MTARC2: variants seen among roughly 807,000 people sequenced by gnomAD.
The protein encoded by MTARC2 is mitochondrial amidoxime reducing component 2, also known as MOCO sulphurase C-terminal domain containing 2.
Under a neutral mutation model 35.6 loss-of-function variants are expected in MTARC2, and 27 were observed. The ratio of observed to expected loss-of-function variants is 0.76; its 90% confidence interval spans 0.56 to 1.04. The LOEUF (loss-of-function observed/expected upper bound fraction) is 1.04. Ranked by LOEUF, MTARC2 falls within the 50% of genes least tolerant of loss-of-function variation. MTARC2 has a pLI of 0.00. For missense variants in MTARC2, 412 were observed against 432.5 expected, an observed-to-expected ratio of 0.95 and a Z score of 0.42; for synonymous variants, 158 against 167.1, an observed-to-expected ratio of 0.95 and a Z score of 0.42.
At chr1:220,755,820 G>C (rs1441378690) in intron 2 of MTARC2, among the ~76,000 whole-genome samples, 1 of 152,186 alleles carries the variant, frequency 6.6e-6, no homozygotes, top group Non-Finnish European at 1.5e-5. Flanking sequence ...CGTAAAACAT[G>C]CAGAAAATTA....
intron 2 of MTARC2, among the ~76,000 whole-genome samples, chr1:220,759,760 A>G (rs911534016): frequency 1.3e-5 from 2 of 152,166 alleles, no homozygotes; most frequent in African/African-American, 4.8e-5. Flanking sequence ...TAGAGCCAAG[A>G]ATTAATCAGA....
At chr1:220,762,809 T>G (rs1671474300) in intron 3 of MTARC2, 101 bp from the exon 4 acceptor site, 1 of 1,251,314 alleles carries the variant, frequency 8.0e-7, no homozygotes, top group East Asian at 2.3e-5. Flanking sequence ...TCCCCTCTTC[T>G]GCACTGAAGA....
intron 4 of MTARC2, among the ~76,000 whole-genome samples, chr1:220,778,636 G>A (rs987898451): frequency 7.9e-5 from 12 of 152,142 alleles, no homozygotes; most frequent in Admixed American, 3.3e-4. Flanking sequence ...CATGTTATAC[G>A]TGTATATGTA....
chr1:220,772,961 G>A (rs1671786389), intron 4 of MTARC2, among the ~76,000 whole-genome samples: 1 of 152,180 alleles, frequency 6.6e-6, no homozygotes, highest in Non-Finnish European at 1.5e-5. Flanking sequence ...AAGCTCCTAA[G>A]CCCTTGGAAT....
chr1:220,749,850 TCACTC>T (rs1362720134), intron 1 of MTARC2, among the ~76,000 whole-genome samples: 1 of 152,196 alleles, frequency 6.6e-6, no homozygotes, highest in African/African-American at 2.4e-5. Flanking sequence ...ATCCCTGTGT[TCACTC>T]CAGGACACGC....
chr1:220,759,681 G>A (rs1378998467), intron 2 of MTARC2, among the ~76,000 whole-genome samples: 2 of 152,198 alleles, frequency 1.3e-5, no homozygotes, highest in Non-Finnish European at 2.9e-5. Flanking sequence ...TTAGGGAACT[G>A]CTGAACAGTG....
At chr1:220,764,062 C>T (rs77573319) in intron 4 of MTARC2, among the ~76,000 whole-genome samples, 2,033 of 152,070 alleles carry the variant, frequency 0.013, 33 homozygotes, top group East Asian at 0.06. Context: ...AATGAATGAC[C>T]GTACTTCCTT....
chr1:220,777,660 G>C (rs553456105), intron 4 of MTARC2, among the ~76,000 whole-genome samples: 1 of 152,196 alleles, frequency 6.6e-6, no homozygotes, highest in South Asian at 2.1e-4. Context: ...CTGGACAGAG[G>C]ATTGCCCTGT....
chr1:220,774,950 T>TGC lies in MTARC2; in HGVS notation c.751-5067_751-5066insCG, dbSNP rs1671855205. 4.0e-5 allele frequency among the ~76,000 whole-genome samples: 6 copies of TGC among 150,864 alleles called. No homozygotes were observed. The South Asian group carries it at 1.3e-3, about 32-fold the overall frequency. On this transcript the variant is annotated intron_variant, in intron 4 of 7. Coordinates refer to ENST00000366913, the MANE Select transcript of MTARC2 (RefSeq NM_017898.5). ...TTGTGTGTCTATATAGACCCGTGTG[T>TGC]GTGCGTGTGTGTGTGTGTGTGTACA...
chr1:220,769,847 CTT>C (rs753815777), intron 4 of MTARC2, among the ~76,000 whole-genome samples: 5 of 125,634 alleles, frequency 4.0e-5, no homozygotes, highest in Admixed American at 8.7e-5. Flanking sequence ...TTGGCTTTTT[CTT>C]TTTTTTTTTG....
In MTARC2 at chr1:220,763,038, T is replaced by C. The variant is rs767704285; in HGVS notation, c.738T>C (p.Asp246=). The change falls in exon 4 of 8, where the codon GAT becomes GAC. Residue 246 remains aspartate (D), a synonymous_variant. Transcript: ENST00000366913. The part of the protein sequence containing the change: ...FRPNIVVTGC[D]AFEEDTWDEL... ...CAAATATTGTGGTGACCGGCTGTGA[T>C]GCTTTTGAGGAGGTAAGCGACCCAC... The C allele has an allele frequency of 3.7e-6, 6 of 1,614,150 alleles. No individual in the cohort carries two copies. Among genetic ancestry groups the C allele is most frequent in the Non-Finnish European group, 5.1e-6 (6 of 1,180,026 alleles).
chr1:220,769,217 T>A (rs1372795986), intron 4 of MTARC2, among the ~76,000 whole-genome samples: 1 of 152,224 alleles, frequency 6.6e-6, no homozygotes, highest in Non-Finnish European at 1.5e-5. Flanking sequence ...GACTTTCGCC[T>A]CTTTCTCATC....
At chr1:220,760,919 C>T (rs1671419708) in intron 2 of MTARC2, among the ~76,000 whole-genome samples, 1 of 152,220 alleles carries the variant, frequency 6.6e-6, no homozygotes, top group Non-Finnish European at 1.5e-5. Flanking sequence ...TCCCGTTACA[C>T]ACTTTTAAAA....
chr1:220,768,338 T>C (rs987890257), intron 4 of MTARC2, among the ~76,000 whole-genome samples: 17 of 152,170 alleles, frequency 1.1e-4, no homozygotes, highest in African/African-American at 4.1e-4. Context: ...GGGAGAGTAT[T>C]AGGAAACAGT....
Position 220,755,067 on chromosome 1 carries a change from C to T in MTARC2, c.393C>T (p.Asp131=). The part of the protein sequence containing the change: ...NCLIFRAPDM[D]QLVLPSKQPS... ...TGATCTTCAGGGCTCCAGACATGGA[C>T]CAGCTGGTTTTGCCTAGCAAGCAGC... Residue 131 remains aspartate, a synonymous_variant, in exon 2 of 8, where the codon GAC becomes GAT. Coordinates refer to ENST00000366913, the MANE Select transcript of MTARC2 (RefSeq NM_017898.5). 1.2e-6 allele frequency: 2 copies of T among 1,613,086 alleles called. No individual in the cohort carries two copies. Among genetic ancestry groups the T allele is most frequent in the South Asian group, 1.1e-5 (1 of 90,868 alleles).
intron 4 of MTARC2, among the ~76,000 whole-genome samples, chr1:220,775,811 G>C (rs1671888470): frequency 6.6e-6 from 1 of 151,970 alleles, no homozygotes. Context: ...AATTCTTTCA[G>C]AATAATGGCC....
At chr1:220,782,707 C>G (rs761692239) in intron 7 of MTARC2, among the ~76,000 whole-genome samples, 2 of 152,184 alleles carry the variant, frequency 1.3e-5, no homozygotes, top group African/African-American at 2.4e-5. Context: ...CACCCACAAC[C>G]TGACCCTCCT....
At chr1:220,762,632 G>T (rs1351661435) in intron 3 of MTARC2, among the ~76,000 whole-genome samples, 1 of 152,188 alleles carries the variant, frequency 6.6e-6, no homozygotes, top group Non-Finnish European at 1.5e-5. Context: ...GGGGAAGGGG[G>T]TCGCTGCTGG....
At chr1:220,775,238 A>G (rs1358356968) in intron 4 of MTARC2, among the ~76,000 whole-genome samples, 3 of 150,080 alleles carry the variant, frequency 2.0e-5, no homozygotes, top group Non-Finnish European at 4.4e-5. Flanking sequence ...CAAGATGTGC[A>G]CACGTTCATT....
Sources: allele counts gnomAD v4.1 joint callset (sites outside exome capture counted in the v4.1 genomes callset), GRCh38; gene constraint gnomAD v4.1.1; transcripts MANE v1.5; gene names NCBI Gene and HGNC (gene_info 2026-07-23, HGNC 2026-07-21).